Variants in CTNNA2 observed in about 807,000 individuals in gnomAD.
The protein encoded by CTNNA2 is catenin alpha-2.
A neutral mutation model predicts 101.0 loss-of-function variants in CTNNA2; 42 were observed. The observed-to-expected ratio is 0.42, with a 90% CI of 0.32 to 0.54. CTNNA2 has a LOEUF of 0.54. Among genes scored for constraint, CTNNA2 ranks in the 20% least tolerant of loss-of-function variants. The pLI, the probability that CTNNA2 is intolerant of heterozygous loss-of-function variation, is 0.14. For synonymous variants in CTNNA2, 450 were observed against 456.4 expected, an observed-to-expected ratio of 0.99 and a Z score of 0.18; for missense variants, 871 against 1,223.1, an observed-to-expected ratio of 0.71 and a Z score of 4.29.
At chr2:79,197,782 T>C (rs1011284250) in intron 1 of CTNNA2, among the ~76,000 whole-genome samples, 2 of 152,122 alleles carry the variant, frequency 1.3e-5, no homozygotes, top group Non-Finnish European at 2.9e-5. Flanking sequence ...TTTGTTGTGG[T>C]TGTTGTTGTT....
At chr2:79,754,569 C>T (rs541696368) in intron 3 of CTNNA2, among the ~76,000 whole-genome samples, 11 of 152,228 alleles carry the variant, frequency 7.2e-5, no homozygotes, top group South Asian at 2.1e-4. Context: ...CAGCACTTTC[C>T]GCAGGGGTCA....
intron 1 of CTNNA2, among the ~76,000 whole-genome samples, chr2:79,538,590 A>T (rs1352844661): frequency 6.6e-6 from 1 of 152,192 alleles, no homozygotes; most frequent in Admixed American, 6.5e-5. Flanking sequence ...TGGAAATAGC[A>T]GGTAGGGCTG....
intron 8 of CTNNA2, among the ~76,000 whole-genome samples, chr2:80,415,688 T>C (rs1679975885): frequency 6.6e-6 from 1 of 152,216 alleles, no homozygotes; most frequent in African/African-American, 2.4e-5. Context: ...CTGGGTAGAA[T>C]CTGATGGAAA....
At chr2:79,850,279 T>C (rs1266202991) in intron 3 of CTNNA2, among the ~76,000 whole-genome samples, 2 of 96,628 alleles carry the variant, frequency 2.1e-5, no homozygotes, top group Admixed American at 1.0e-4. Flanking sequence ...TTCCCTCCTT[T>C]TCTCCTTCCT....
At chr2:79,465,579 G>A (rs987298861) in intron 4 of CTNNA2, among the ~76,000 whole-genome samples, 1 of 152,144 alleles carries the variant, frequency 6.6e-6, no homozygotes, top group Non-Finnish European at 1.5e-5. Context: ...GGGCAGTATG[G>A]CCATTTTCAT....
intron 7 of CTNNA2, among the ~76,000 whole-genome samples, chr2:80,386,745 T>A (rs992791121): frequency 6.6e-6 from 1 of 152,212 alleles, no homozygotes; most frequent in Non-Finnish European, 1.5e-5. Flanking sequence ...AAACATCTAA[T>A]ATATTACAGT....
intron 4 of CTNNA2, among the ~76,000 whole-genome samples, chr2:79,408,192 C>G (rs1486101630): frequency 6.6e-6 from 1 of 151,976 alleles, no homozygotes; most frequent in Non-Finnish European, 1.5e-5. Flanking sequence ...AAAACATCCA[C>G]TTCTTCCTCC....
intron 7 of CTNNA2, among the ~76,000 whole-genome samples, chr2:80,383,800 G>A (rs1676740715): frequency 6.6e-6 from 1 of 151,902 alleles, no homozygotes; most frequent in South Asian, 2.1e-4. Flanking sequence ...ATTCAACCTA[G>A]CAATTTCATT....
intron 15 of CTNNA2, among the ~76,000 whole-genome samples, chr2:80,598,811 T>C (rs1318251391): frequency 6.6e-6 from 1 of 152,212 alleles, no homozygotes; most frequent in Non-Finnish European, 1.5e-5. Flanking sequence ...TTGGATGGCA[T>C]TCCTGACATA....
chr2:79,346,817 C>CT, intron 3 of CTNNA2, among the ~76,000 whole-genome samples: 1 of 152,308 alleles, frequency 6.6e-6, no homozygotes, highest in South Asian at 2.1e-4. Context: ...CTCATGCTCC[C>CT]TTTGGCAGCT....
intron 7 of CTNNA2, among the ~76,000 whole-genome samples, chr2:80,233,941 A>C (rs1427206178): frequency 6.6e-6 from 1 of 152,150 alleles, no homozygotes; most frequent in Non-Finnish European, 1.5e-5. Context: ...AGTACTATAG[A>C]AGTGGTAAAT....
At position 80,292,219 on chromosome 2, in the gene CTNNA2, T is replaced by C. The variant is rs183865931; in HGVS notation, c.1057-100992T>C. On this transcript the variant is annotated intron_variant, in intron 7 of 18. Coordinates refer to ENST00000402739, the MANE Select transcript of CTNNA2 (RefSeq NM_001282597.3). ...ACATGCCAGACACCATTCTAAGCAC[T>C]TTATAAGGAATAACTCTTTCATTCT... Among the ~76,000 whole-genome samples the C allele has an allele frequency of 2.5e-3, 387 of 152,294 alleles. 1 individual carries two copies. Among genetic ancestry groups the C allele is most frequent in the African/African-American group, 8.9e-3 (372 of 41,568 alleles).
chr2:79,842,896 G>C (rs775593885), intron 3 of CTNNA2, among the ~76,000 whole-genome samples: 29 of 152,038 alleles, frequency 1.9e-4, no homozygotes, highest in Non-Finnish European at 2.9e-4. Context: ...TTAGTGTCTC[G>C]AGCAGAGGGA....
At chr2:79,583,917 C>T (rs977267216) in intron 1 of CTNNA2, among the ~76,000 whole-genome samples, 5 of 152,044 alleles carry the variant, frequency 3.3e-5, no homozygotes, top group Non-Finnish European at 7.4e-5. Flanking sequence ...TTTTCTTTAA[C>T]CTGATCTTTG....
intron 9 of CTNNA2, among the ~76,000 whole-genome samples, chr2:80,420,461 C>T (rs1184250163): frequency 6.6e-6 from 1 of 152,086 alleles, no homozygotes; most frequent in African/African-American, 2.4e-5. Flanking sequence ...AATCCTACCA[C>T]CACCACCACC....
chr2:79,466,066 A>G (rs1670931110), intron 4 of CTNNA2, among the ~76,000 whole-genome samples: 1 of 152,216 alleles, frequency 6.6e-6, no homozygotes, highest in Non-Finnish European at 1.5e-5. Context: ...CCCACTGAGC[A>G]TTAGCCGAAG....
At chr2:80,060,568 G>A (rs955346131) in intron 7 of CTNNA2, among the ~76,000 whole-genome samples, 3 of 152,102 alleles carry the variant, frequency 2.0e-5, no homozygotes, top group Non-Finnish European at 2.9e-5. Context: ...TCTTATCACT[G>A]TGTGATTGTA....
At chr2:79,895,545 C>T (rs1684645525) in intron 6 of CTNNA2, among the ~76,000 whole-genome samples, 1 of 152,032 alleles carries the variant, frequency 6.6e-6, no homozygotes, top group Non-Finnish European at 1.5e-5. Context: ...GATAATTTAG[C>T]ATCTCAAACC....
chr2:80,003,525 G>T (rs751539387), intron 7 of CTNNA2, among the ~76,000 whole-genome samples: 1 of 152,056 alleles, frequency 6.6e-6, no homozygotes, highest in Non-Finnish European at 1.5e-5. Flanking sequence ...GACCATATTC[G>T]GGACACCATT....
Sources: gnomAD v4.1 joint callset for allele counts (sites outside exome capture counted in the v4.1 genomes callset) on GRCh38, gnomAD v4.1.1 for gene constraint, MANE v1.5 for transcripts, NCBI Gene and HGNC (gene_info 2026-07-23, HGNC 2026-07-21) for gene names.